AOPEP: variants seen among roughly 807,000 people sequenced by gnomAD.
The protein encoded by AOPEP is aminopeptidase O (putative).
A neutral mutation model predicts 98.1 loss-of-function variants in AOPEP; 77 were observed. That is an observed-to-expected ratio of 0.78 (90% CI 0.65 to 0.95). The LOEUF (loss-of-function observed/expected upper bound fraction) is 0.95, where lower values mean the gene tolerates loss of function less well. Ranked by LOEUF, AOPEP falls within the 40% of genes least tolerant of loss-of-function variation. The pLI is 0.00. For missense variants in AOPEP, 1,024 were observed against 1,024.7 expected (o/e 1.00, Z 0.01); for synonymous variants, 346 against 365.3 (o/e 0.95, Z 0.60).
At chr9:94,778,720 A>AAC (rs1163147682) in intron 3 of AOPEP, among the ~76,000 whole-genome samples, 2 of 152,172 alleles carry the variant, frequency 1.3e-5, no homozygotes, top group East Asian at 3.9e-4. Context: ...CTCATTGAAC[A>AAC]ACACATTTAA....
intron 3 of AOPEP, among the ~76,000 whole-genome samples, chr9:94,790,198 C>T (rs1278460787): frequency 1.3e-5 from 2 of 148,472 alleles, no homozygotes; most frequent in African/African-American, 2.5e-5. Flanking sequence ...TGTTGGAGAC[C>T]GAGTCTCACC....
chr9:95,098,168 GGGCAGCGTAAGGCCA>G, the AOPEP span, among the ~76,000 whole-genome samples: 2 of 152,154 alleles, frequency 1.3e-5, no homozygotes, highest in Non-Finnish European at 2.9e-5. Flanking sequence ...GCCGTCCTCT[GGGCAGCGTAAGGCCA>G]GGCTCGGTTT....
intron 9 of AOPEP, among the ~76,000 whole-genome samples, chr9:94,964,841 A>G (rs1381678965): frequency 6.6e-6 from 1 of 151,872 alleles, no homozygotes; most frequent in Non-Finnish European, 1.5e-5. Context: ...GGGTTTCACT[A>G]TGTTGGCCAG....
chr9:95,039,338 G>A (rs1248626723), intron 13 of AOPEP, among the ~76,000 whole-genome samples: 3 of 152,134 alleles, frequency 2.0e-5, no homozygotes, highest in East Asian at 1.9e-4. Flanking sequence ...AGGCTGAGGC[G>A]GGCAGATCAC....
chr9:94,928,275 C>G, intron 6 of AOPEP, 150 bp from the exon 7 acceptor site: 2 of 613,396 alleles, frequency 3.3e-6, no homozygotes, highest in East Asian at 5.8e-5. Context: ...CACTAAGAGG[C>G]TCCAGTGGCC....
At chr9:94,911,083 G>C (rs2051966309) in intron 5 of AOPEP, among the ~76,000 whole-genome samples, 1 of 152,134 alleles carries the variant, frequency 6.6e-6, no homozygotes, top group African/African-American at 2.4e-5. Flanking sequence ...TAGAGATAGA[G>C]GGAAGACTGT....
intron 5 of AOPEP, among the ~76,000 whole-genome samples, chr9:94,833,235 CTT>C (rs34212567): frequency 8.5e-5 from 6 of 70,310 alleles, no homozygotes; most frequent in African/African-American, 2.8e-4. Flanking sequence ...CACACCCGTC[CTT>C]TTTTTTTTTT....
the AOPEP span, among the ~76,000 whole-genome samples, chr9:95,109,081 T>TTTA: frequency 4.0e-4 from 61 of 152,266 alleles, no homozygotes; most frequent in African/African-American, 1.4e-3. Flanking sequence ...GGCTAATTTC[T>TTTA]TTATTTATTT....
chr9:94,866,203 T>G (rs1211761501), intron 5 of AOPEP, among the ~76,000 whole-genome samples: 7 of 152,198 alleles, frequency 4.6e-5, no homozygotes, highest in Non-Finnish European at 1.0e-4. Flanking sequence ...ATGCGTGCCC[T>G]TTTCAAGTTT....
intron 5 of AOPEP, among the ~76,000 whole-genome samples, chr9:94,891,050 A>G (rs1318232888): frequency 1.3e-5 from 2 of 152,248 alleles, no homozygotes; most frequent in Non-Finnish European, 2.9e-5. Flanking sequence ...TGAAATAACC[A>G]ACTACAATTG....
At chr9:94,805,820 G>A (rs1436543522) in intron 5 of AOPEP, among the ~76,000 whole-genome samples, 1 of 152,168 alleles carries the variant, frequency 6.6e-6, no homozygotes, top group Non-Finnish European at 1.5e-5. Context: ...ACAGGGTGTT[G>A]TCCTGTTTAT....
At chr9:94,743,167 A>AAAGAAGAAGAAGAAG (rs138111726) in intron 1 of AOPEP, among the ~76,000 whole-genome samples, 31 of 142,840 alleles carry the variant, frequency 2.2e-4, no homozygotes, top group South Asian at 6.9e-4. Flanking sequence ...TTGCAATATA[A>AAAGAAGAAGAAGAAG]AAGAAGAAGA....
At chr9:94,829,258 A>G (rs1855406477) in intron 5 of AOPEP, among the ~76,000 whole-genome samples, 1 of 152,118 alleles carries the variant, frequency 6.6e-6, no homozygotes, top group Non-Finnish European at 1.5e-5. Context: ...AATACATATA[A>G]AAAAGCTAGC....
At chr9:94,755,915 A>C (rs1371325094) in intron 1 of AOPEP, among the ~76,000 whole-genome samples, 2 of 152,224 alleles carry the variant, frequency 1.3e-5, no homozygotes, top group Admixed American at 1.3e-4. Context: ...AGTTCAATAA[A>C]ATAAAGATGA....
At chr9:94,854,116 C>T (rs561506206) in intron 5 of AOPEP, among the ~76,000 whole-genome samples, 184 of 152,224 alleles carry the variant, frequency 1.2e-3, no homozygotes, top group African/African-American at 4.2e-3. Context: ...CAGTGGCAAC[C>T]AGTAAGAAAG....
chr9:94,947,513 A>T lies in AOPEP; in HGVS notation c.1662-7664A>T, dbSNP rs12682718. Among the ~76,000 whole-genome samples the T allele has an allele frequency of 5.9e-5, 9 of 152,188 alleles. No homozygotes were observed. The East Asian group carries it at 1.3e-3, about 23-fold the overall frequency. On this transcript the variant is annotated intron_variant, in intron 7 of 16. Coordinates refer to ENST00000375315, the MANE Select transcript of AOPEP (RefSeq NM_001193329.3). Reference sequence around the variant, plus strand: ...TGCCTTGGCCTCCTGAAATGCTGAGATTACAGGCTTGGGCCCCTGCACCCA... The same window carrying T: ...TGCCTTGGCCTCCTGAAATGCTGAGTTTACAGGCTTGGGCCCCTGCACCCA...
At chr9:95,033,084 C>G (rs1407639792) in intron 13 of AOPEP, among the ~76,000 whole-genome samples, 1 of 152,154 alleles carries the variant, frequency 6.6e-6, no homozygotes, top group East Asian at 1.9e-4. Context: ...ACAGCTTCAG[C>G]CAGCGCAGCC....
chr9:95,098,047 G>A, the AOPEP span, among the ~76,000 whole-genome samples: 8 of 152,126 alleles, frequency 5.3e-5, no homozygotes, highest in East Asian at 1.9e-4. Context: ...GGAGAAGCAC[G>A]GGGAACTGTT....
At chr9:94,849,359 A>C (rs1354468241) in intron 5 of AOPEP, among the ~76,000 whole-genome samples, 1 of 152,218 alleles carries the variant, frequency 6.6e-6, no homozygotes, top group Non-Finnish European at 1.5e-5. Context: ...CCCAGCACAT[A>C]GTGAAGGCTC....
Sources: allele counts gnomAD v4.1 joint callset (sites outside exome capture counted in the v4.1 genomes callset), GRCh38; gene constraint gnomAD v4.1.1; transcripts MANE v1.5; gene names NCBI Gene and HGNC (gene_info 2026-07-23, HGNC 2026-07-21).